The following TNFRSF10B variants were observed in gnomAD, a reference collection of about 807,000 sequenced individuals.
TNFRSF10B encodes the protein tumor necrosis factor receptor superfamily member 10B.
Under a neutral mutation model 41.4 loss-of-function variants are expected in TNFRSF10B, and 35 were observed. The ratio of observed to expected loss-of-function variants is 0.85; its 90% CI spans 0.65 to 1.12. TNFRSF10B has a LOEUF of 1.12. TNFRSF10B is among the 50% of genes most tolerant of loss of function. The pLI is 0.00. For missense variants in TNFRSF10B, 584 were observed against 552.7 expected, an observed-to-expected ratio of 1.06 and a Z score of -0.57; for synonymous variants, 230 against 215.5, an observed-to-expected ratio of 1.07 and a Z score of -0.59.
At chr8:23,059,936 A>G (rs1660195981) in intron 1 of TNFRSF10B, among the ~76,000 whole-genome samples, 1 of 152,100 alleles carries the variant, frequency 6.6e-6, no homozygotes, top group African/African-American at 2.4e-5. Flanking sequence ...CCATTTGTAT[A>G]TTTGCTTTGG....
rs894692419 is a variant in TNFRSF10B at position 23,041,619 on chromosome 8, A to C, written c.250+1519T>G. On this transcript the variant is annotated intron_variant, in intron 2 of 8. Coordinates refer to ENST00000276431, the MANE Select transcript of TNFRSF10B (RefSeq NM_003842.5). Reference sequence around the variant, plus strand: ...TCAATGATTTAAAAAAAAAAAAAAAAAAAACCTAACCTCTTACTAGGAGTG... The same window carrying C: ...TCAATGATTTAAAAAAAAAAAAAAACAAAACCTAACCTCTTACTAGGAGTG... Among the ~76,000 whole-genome samples the C allele has an allele frequency of 3.3e-5, 5 of 152,184 alleles. No individual in the cohort carries two copies. The East Asian group carries it at 5.8e-4, about 18-fold the overall frequency.
chr8:23,044,291 A>G (rs1812290079), intron 1 of TNFRSF10B, among the ~76,000 whole-genome samples: 1 of 152,246 alleles, frequency 6.6e-6, no homozygotes, highest in Non-Finnish European at 1.5e-5. Context: ...TCCCCAAAAC[A>G]CAAGCAATAT....
intron 2 of TNFRSF10B, among the ~76,000 whole-genome samples, chr8:23,033,620 A>AAAAG (rs1563310598): frequency 3.7e-5 from 4 of 107,668 alleles, no homozygotes; most frequent in African/African-American, 1.3e-4. Flanking sequence ...AAAAAAAAAA[A>AAAAG]AGAACCCTGG....
chr8:23,068,475 C>T, intron 1 of TNFRSF10B: 1 of 547,942 alleles, frequency 1.8e-6, no homozygotes, highest in Non-Finnish European at 3.2e-6. Flanking sequence ...CTTCACGCAG[C>T]TTACTCGGGA....
intron 2 of TNFRSF10B, among the ~76,000 whole-genome samples, chr8:23,031,504 C>G (rs191653555): frequency 0.013 from 2,045 of 152,144 alleles, 39 homozygotes; most frequent in African/African-American, 0.046. Context: ...CCCTCTCCCC[C>G]CGACCCACAA....
At chr8:23,039,833 G>A (rs370712258) in intron 2 of TNFRSF10B, among the ~76,000 whole-genome samples, 8 of 152,188 alleles carry the variant, frequency 5.3e-5, no homozygotes, top group South Asian at 2.1e-4. Flanking sequence ...AAATTCTGCC[G>A]GTATTATAAA....
chr8:23,057,798 A>C (rs1563323277), intron 1 of TNFRSF10B, among the ~76,000 whole-genome samples: 1 of 152,232 alleles, frequency 6.6e-6, no homozygotes, highest in Non-Finnish European at 1.5e-5. Context: ...TCTTAACACT[A>C]CAAAGGTCCC....
At chr8:23,067,484 A>G (rs892175280) in intron 1 of TNFRSF10B, among the ~76,000 whole-genome samples, 8 of 152,062 alleles carry the variant, frequency 5.3e-5, no homozygotes, top group Non-Finnish European at 1.0e-4. Context: ...AAACCAAATC[A>G]CTGCAAACCA....
At chr8:23,048,568 A>G (rs1409519803) in intron 1 of TNFRSF10B, among the ~76,000 whole-genome samples, 3 of 152,118 alleles carry the variant, frequency 2.0e-5, no homozygotes, top group African/African-American at 7.2e-5. Flanking sequence ...GAGGAATAAG[A>G]TTTTTGAGAT....
At chr8:23,029,804 C>G in intron 3 of TNFRSF10B, 83 bp from the exon 4 acceptor site, 1 of 1,341,842 alleles carries the variant, frequency 7.5e-7, no homozygotes, top group Non-Finnish European at 1.0e-6. Flanking sequence ...GACCCTGCTA[C>G]TCAGCTCAAC....
Position 23,030,780 on chromosome 8 carries a change from G to T in TNFRSF10B, c.343C>A (p.Arg115Ser), listed in dbSNP as rs770524322. The change falls in exon 3 of 9, where the codon CGC (arginine) becomes AGC (serine). Residue 115 changes from arginine to serine, a missense_variant. By Grantham distance (110) the Arg-to-Ser change is moderately radical. Coordinates refer to ENST00000276431, the MANE Select transcript of TNFRSF10B (RefSeq NM_003842.5). ...THWNDLLFCL[R>S]CTRCDSGEVE... ...GTACCTGAATCACACCTGGTGCAGC[G>T]CAAGCAGAAAAGGAGGTCATTCCAG... 1.9e-6 allele frequency: 3 copies of T among 1,612,702 alleles called. No individual in the cohort carries two copies. Among genetic ancestry groups the T allele is most frequent in the Non-Finnish European group, 2.5e-6 (3 of 1,179,330 alleles).
intron 2 of TNFRSF10B, among the ~76,000 whole-genome samples, chr8:23,040,267 A>C (rs11135689): frequency 0.32 from 13,671 of 43,372 alleles, 5,473 homozygotes; most frequent in East Asian, 0.52. Context: ...TATTTATTAA[A>C]TATATATATA....
chr8:23,024,518 TTGA>T (rs908392231), intron 7 of TNFRSF10B, among the ~76,000 whole-genome samples: 1 of 147,786 alleles, frequency 6.8e-6, no homozygotes, highest in Non-Finnish European at 1.5e-5. Flanking sequence ...TGAATATGTC[TTGA>T]TGATTTTTTT....
chr8:23,063,652 C>G (rs1042402804), intron 1 of TNFRSF10B, among the ~76,000 whole-genome samples: 1 of 152,188 alleles, frequency 6.6e-6, no homozygotes, highest in Non-Finnish European at 1.5e-5. Context: ...GCCTCAGCTG[C>G]CACTTGCCTC....
intron 2 of TNFRSF10B, among the ~76,000 whole-genome samples, chr8:23,035,094 T>C (rs1001693369): frequency 6.6e-6 from 1 of 152,130 alleles, no homozygotes; most frequent in Non-Finnish European, 1.5e-5. Context: ...CTATCCTGTC[T>C]CCGGGATGCA....
In TNFRSF10B at chr8:23,035,769, T is replaced by C. The variant is rs372919262; in HGVS notation, c.251-4897A>G. Among the ~76,000 whole-genome samples the C allele has an allele frequency of 3.9e-5, 6 of 152,208 alleles. No individual in the cohort carries two copies. In the East Asian group the frequency reaches 9.6e-4, roughly 24 times the overall value. On this transcript the variant is annotated intron_variant, in intron 2 of 8. Transcript: ENST00000276431. ...CCCCACCTCCCTACAACCAAGAAAA[T>C]GACACAATGCCTAGTGTGCTTATTT...
At chr8:23,036,861 C>T (rs1812045245) in intron 2 of TNFRSF10B, among the ~76,000 whole-genome samples, 1 of 152,108 alleles carries the variant, frequency 6.6e-6, no homozygotes, top group African/African-American at 2.4e-5. Context: ...AGAGATCCTG[C>T]CACTGGGCAG....
chr8:23,028,279 G>T, intron 5 of TNFRSF10B, 52 bp downstream of exon 5: 2 of 1,611,570 alleles, frequency 1.2e-6, no homozygotes, highest in Non-Finnish European at 1.7e-6. Context: ...AATAGGGTGG[G>T]AGGGGGCAGG....
At chr8:23,051,614 G>A (rs927982020) in intron 1 of TNFRSF10B, among the ~76,000 whole-genome samples, 6 of 151,262 alleles carry the variant, frequency 4.0e-5, no homozygotes, top group Non-Finnish European at 8.8e-5. Flanking sequence ...GCGCGATCTC[G>A]GCTCACTGCA....
Sources: allele counts gnomAD v4.1 joint callset (sites outside exome capture counted in the v4.1 genomes callset), GRCh38; gene constraint gnomAD v4.1.1; transcripts MANE v1.5; gene names NCBI Gene and HGNC (gene_info 2026-07-23, HGNC 2026-07-21).